The following MAP4K4 variants were observed in gnomAD, a reference collection of about 807,000 sequenced individuals.
MAP4K4 encodes HPK/GCK-like kinase HGK.
In MAP4K4, 38 loss-of-function variants were observed where a neutral mutation model predicts 189.6. The ratio of observed to expected loss-of-function variants is 0.20; its 90% CI spans 0.15 to 0.26. The LOEUF is 0.26. MAP4K4 is among the 10% of genes least tolerant of loss of function. The pLI is 1.00. For synonymous variants in MAP4K4, 610 were observed against 624.3 expected (o/e 0.98, Z 0.34); for missense variants, 1,054 against 1,726.9 (o/e 0.61, Z 6.91).
At chr2:101,706,560 A>C (rs1025654310) in intron 2 of MAP4K4, among the ~76,000 whole-genome samples, 2 of 152,200 alleles carry the variant, frequency 1.3e-5, no homozygotes, top group Non-Finnish European at 2.9e-5. Context: ...ACAAATGCCT[A>C]ACAAAGTTTA....
intron 2 of MAP4K4, among the ~76,000 whole-genome samples, chr2:101,770,102 G>A (rs1403241825): frequency 6.6e-6 from 1 of 152,116 alleles, no homozygotes; most frequent in Non-Finnish European, 1.5e-5. Context: ...GTTACTCTGA[G>A]TTTATCATAT....
At chr2:101,815,593 A>G (rs1321889005) in intron 3 of MAP4K4, among the ~76,000 whole-genome samples, 1 of 152,100 alleles carries the variant, frequency 6.6e-6, no homozygotes, top group Non-Finnish European at 1.5e-5. Flanking sequence ...GATTCCACAC[A>G]TTGTTAATTT....
chr2:101,867,980 C>T (rs779881265), intron 20 of MAP4K4, 49 bp from the exon 21 acceptor site: 1 of 1,607,300 alleles, frequency 6.2e-7, no homozygotes, highest in Non-Finnish European at 8.5e-7. Context: ...CTGTGCATTC[C>T]TCATCAACGA....
chr2:101,801,736 C>T (rs1439106002), intron 3 of MAP4K4, among the ~76,000 whole-genome samples: 1 of 152,154 alleles, frequency 6.6e-6, no homozygotes, highest in Non-Finnish European at 1.5e-5. Flanking sequence ...TAAACAGACA[C>T]CTCTCCTGAG....
chr2:101,773,383 C>G (rs79408308), intron 2 of MAP4K4, among the ~76,000 whole-genome samples: 10,041 of 152,230 alleles, frequency 0.066, 414 homozygotes, highest in African/African-American at 0.12. Context: ...GGCCGAAGGC[C>G]CAGAGGCGAC....
intron 27 of MAP4K4, among the ~76,000 whole-genome samples, chr2:101,879,272 G>GTTT (rs200445614): frequency 8.0e-5 from 10 of 125,624 alleles, no homozygotes; most frequent in African/African-American, 2.9e-4. Context: ...CTACTTTTCT[G>GTTT]TTTTTTTTTT....
At chr2:101,834,682 C>T (rs1304508280) in intron 8 of MAP4K4, among the ~76,000 whole-genome samples, 1 of 152,182 alleles carries the variant, frequency 6.6e-6, no homozygotes, top group Non-Finnish European at 1.5e-5. Flanking sequence ...CTATAGGCTA[C>T]ATTTTCTTTT....
intron 2 of MAP4K4, among the ~76,000 whole-genome samples, chr2:101,737,439 ATATATATATATATATATATATATTTTTT>A (rs1175159003): frequency 6.4e-4 from 20 of 31,316 alleles, no homozygotes; most frequent in Admixed American, 2.2e-3. Flanking sequence ...ATATATATAT[ATATATATATATATATATATATATTTTTT>A]TTTTTTTTTT....
In MAP4K4 at chr2:101,771,844, T is replaced by C. The variant is rs2081600304; in HGVS notation, c.124-18876T>C. On this transcript the variant is annotated intron_variant, in intron 2 of 32. Coordinates refer to ENST00000324219, the Ensembl canonical transcript of MAP4K4. ...CCCAATTGACCCTACTCCCTGTCCT[T>C]CTTTAAATGGAAGCAAAATCCCTAC... is the stretch of plus-strand genomic sequence containing the variant. Among the ~76,000 whole-genome samples, 7 of 152,210 alleles carry C rather than the reference T, an allele frequency of 4.6e-5. No homozygotes were observed. The South Asian group carries it at 1.2e-3, about 27-fold the overall frequency.
intron 2 of MAP4K4, among the ~76,000 whole-genome samples, chr2:101,737,455 ATATATATTTTTTT>A (rs1273934662): frequency 3.6e-3 from 132 of 36,414 alleles, no homozygotes; most frequent in South Asian, 8.7e-3. Context: ...ATATATATAT[ATATATATTTTTTT>A]TTTTTTTTTT....
At chr2:101,816,356 TGGATGA>T (rs769787464) in intron 3 of MAP4K4, among the ~76,000 whole-genome samples, 37 of 152,310 alleles carry the variant, frequency 2.4e-4, no homozygotes, top group Middle Eastern at 3.4e-3. Context: ...TGTGAGTGCA[TGGATGA>T]ATCCAGCATG....
chr2:101,836,310 G>A (rs759029967), intron 9 of MAP4K4, among the ~76,000 whole-genome samples: 4 of 152,180 alleles, frequency 2.6e-5, no homozygotes, highest in Admixed American at 6.5e-5. Context: ...GCGACCGGGC[G>A]CGGTGGCTCG....
intron 2 of MAP4K4, 61 bp from the exon 3 acceptor site, chr2:101,790,659 G>A: frequency 1.7e-6 from 2 of 1,199,360 alleles, no homozygotes; most frequent in Admixed American, 1.9e-5. Flanking sequence ...CAGCCATTTT[G>A]TTCTAATGAT....
In MAP4K4 at chr2:101,700,160, A is replaced by G. The variant is rs181392794; in HGVS notation, c.123+1622A>G. ...GCATGGATGTTAAGGGCAGAGAAGT[A>G]AGCTAGAAGGCGATATAGTCTTTAA... On this transcript the variant is annotated intron_variant, in intron 2 of 32. Coordinates refer to ENST00000324219, the Ensembl canonical transcript of MAP4K4. Among the ~76,000 whole-genome samples the G allele has an allele frequency of 3.3e-5, 5 of 152,340 alleles. No homozygotes were observed. The East Asian group carries it at 9.6e-4, about 29-fold the overall frequency.
chr2:101,890,772 A>T (rs1341814334), intron 32 of MAP4K4, among the ~76,000 whole-genome samples: 1 of 147,232 alleles, frequency 6.8e-6, no homozygotes, highest in Non-Finnish European at 1.5e-5. Flanking sequence ...TTATTTATTT[A>T]TTTTTTGAGA....
chr2:101,796,107 A>G (rs2093658137), intron 3 of MAP4K4, among the ~76,000 whole-genome samples: 1 of 152,198 alleles, frequency 6.6e-6, no homozygotes, highest in Non-Finnish European at 1.5e-5. Flanking sequence ...TTTCATCAGC[A>G]CTGAGTAGCA....
chr2:101,878,193 T>C (rs1254123683), intron 27 of MAP4K4, among the ~76,000 whole-genome samples: 2 of 152,192 alleles, frequency 1.3e-5, no homozygotes, highest in Admixed American at 1.3e-4. Flanking sequence ...AAATTCCAGT[T>C]TTTTAAGCAT....
At chr2:101,813,157 A>G (rs1028249391) in intron 3 of MAP4K4, among the ~76,000 whole-genome samples, 27 of 152,200 alleles carry the variant, frequency 1.8e-4, no homozygotes, top group Non-Finnish European at 2.2e-4. Flanking sequence ...CATTAATCCT[A>G]TATTATTGAC....
At chr2:101,795,277 A>G (rs949859995) in intron 3 of MAP4K4, among the ~76,000 whole-genome samples, 4 of 152,290 alleles carry the variant, frequency 2.6e-5, no homozygotes, top group African/African-American at 7.2e-5. Context: ...CATTCATTTA[A>G]TGATTCTTGC....
Sources: gnomAD v4.1 joint callset for allele counts (sites outside exome capture counted in the v4.1 genomes callset) on GRCh38, gnomAD v4.1.1 for gene constraint, MANE v1.5 for transcripts, NCBI Gene and HGNC (gene_info 2026-07-23, HGNC 2026-07-21) for gene names.